MGAT4C: variants seen among roughly 807,000 people sequenced by gnomAD.
The protein encoded by MGAT4C is alpha-1,3-mannosyl-glycoprotein 4-beta-N-acetylglucosaminyltransferase C.
MGAT4C carries 19 observed loss-of-function variants against 40.1 expected under a neutral mutation model. The ratio of observed to expected loss-of-function variants is 0.47; its 90% CI spans 0.33 to 0.70. The LOEUF (loss-of-function observed/expected upper bound fraction) is 0.70, where lower values mean the gene tolerates loss of function less well. Among genes scored for constraint, MGAT4C ranks in the 30% least tolerant of loss-of-function variants. The pLI, the probability that MGAT4C is intolerant of heterozygous loss-of-function variation, is 0.02. For synonymous variants in MGAT4C, 181 were observed against 187.1 expected (o/e 0.97, Z 0.27); for missense variants, 491 against 563.2 (o/e 0.87, Z 1.30).
chr12:86,715,943 T>C (rs1189064804), intron 2 of MGAT4C, among the ~76,000 whole-genome samples: 1 of 152,158 alleles, frequency 6.6e-6, no homozygotes, highest in African/African-American at 2.4e-5. Flanking sequence ...ATTGTGCTAC[T>C]GAAAAGGAAA....
At chr12:86,256,411 C>G (rs1180411515), upstream of MGAT4C, 2 of 152,268 alleles carry the variant, frequency 1.3e-5, no homozygotes, top group South Asian at 4.1e-4. Context: ...CTCAGCTGTT[C>G]TATGTACTCT....
intron 2 of MGAT4C, among the ~76,000 whole-genome samples, chr12:86,037,479 G>T (rs537413339): frequency 6.7e-6 from 1 of 150,116 alleles, no homozygotes; most frequent in South Asian, 2.1e-4. Flanking sequence ...CAGAGATTCT[G>T]GTATGTTGTG....
At chr12:86,351,755 A>G (rs909955924) in intron 3 of MGAT4C, among the ~76,000 whole-genome samples, 1 of 152,030 alleles carries the variant, frequency 6.6e-6, no homozygotes. Context: ...ATTGCATACC[A>G]TCTTAATCAG....
Position 85,980,255 on chromosome 12 carries a change from T to C in MGAT4C, c.471A>G (p.Thr157=), listed in dbSNP as rs780805071. ...SWRDAMVQDI[T]QKFAHHIIAG... is the part of the protein sequence containing the mutation. ...CAATAATATGGTGCGCAAATTTCTG[T>C]GTAATATCCTGGACCATGGCATCAC... Residue 157 remains threonine (T), a synonymous_variant, in exon 5 of 5, where the codon ACA becomes ACG. Transcript: ENST00000611864. The C allele has an allele frequency of 2.6e-5, 42 of 1,613,976 alleles. No homozygotes were observed. The highest frequency in any genetic ancestry group is 3.4e-5 in the Non-Finnish European group (40 of 1,179,908).
intron 3 of MGAT4C, among the ~76,000 whole-genome samples, chr12:86,404,842 C>G (rs1956433204): frequency 6.6e-6 from 1 of 152,048 alleles, no homozygotes; most frequent in African/African-American, 2.4e-5. Flanking sequence ...TAGATACTTT[C>G]TCTTAGTATC....
chr12:86,547,417 T>A (rs988529997), intron 2 of MGAT4C, among the ~76,000 whole-genome samples: 1 of 152,052 alleles, frequency 6.6e-6, no homozygotes, highest in Non-Finnish European at 1.5e-5. Context: ...TTTTAGCACA[T>A]CTAAATGTTT....
chr12:86,101,665 C>A (rs551404166), intron 1 of MGAT4C, among the ~76,000 whole-genome samples: 1 of 151,786 alleles, frequency 6.6e-6, no homozygotes, highest in African/African-American at 2.4e-5. Context: ...ATGTAGGTAA[C>A]CAAAATGGTA....
chr12:86,269,022 AT>A (rs1952871020), intron 4 of MGAT4C, among the ~76,000 whole-genome samples: 1 of 24,554 alleles, frequency 4.1e-5, no homozygotes, highest in Admixed American at 3.9e-4. Context: ...ACATATATAT[AT>A]ATATATATAT....
At chr12:86,802,326 C>T (rs559259892) in intron 1 of MGAT4C, among the ~76,000 whole-genome samples, 32 of 152,028 alleles carry the variant, frequency 2.1e-4, no homozygotes, top group African/African-American at 7.5e-4. Flanking sequence ...GTGTTAGATA[C>T]TCAAAGTCCA....
intron 1 of MGAT4C, among the ~76,000 whole-genome samples, chr12:86,753,925 C>T (rs1356228735): frequency 5.3e-5 from 8 of 151,966 alleles, no homozygotes; most frequent in South Asian, 2.1e-4. Flanking sequence ...GTAAAAATCA[C>T]ACAACTTTGG....
At chr12:86,354,303 G>A (rs1955254358) in intron 3 of MGAT4C, among the ~76,000 whole-genome samples, 1 of 152,080 alleles carries the variant, frequency 6.6e-6, no homozygotes, top group Non-Finnish European at 1.5e-5. Flanking sequence ...AGGACCCATA[G>A]TATTATACAG....
chr12:86,838,745 G>T (rs550194101), exon 1 of MGAT4C: 2 of 152,254 alleles, frequency 1.3e-5, no homozygotes, highest in East Asian at 3.9e-4. Flanking sequence ...GCAAAGCCAT[G>T]ACTTGATGGA....
chr12:86,087,311 AT>A, intron 1 of MGAT4C, among the ~76,000 whole-genome samples: 1 of 151,732 alleles, frequency 6.6e-6, no homozygotes, highest in Admixed American at 6.6e-5. Flanking sequence ...GTATCTTTTA[AT>A]TTTTTTCTCA....
rs539989288 is a variant in MGAT4C, at chr12:86,153,062, T to G, written c.-57+103177A>C. Among the ~76,000 whole-genome samples the G allele has an allele frequency of 2.6e-4, 39 of 152,312 alleles. 1 individual carries two copies. The highest frequency in any genetic ancestry group is 1.0e-3 in the South Asian group (5 of 4,826). On this transcript the variant is annotated intron_variant, in intron 1 of 4. Coordinates refer to ENST00000611864, the MANE Select transcript of MGAT4C (RefSeq NM_001351288.2). ...ACAGATCCCAATCTGCACCACTGAT[T>G]ATGAAACAAATATTCTTTGTTCCTG...
chr12:86,356,246 G>A (rs959701991), intron 3 of MGAT4C, among the ~76,000 whole-genome samples: 2 of 151,872 alleles, frequency 1.3e-5, no homozygotes, highest in African/African-American at 2.4e-5. Context: ...CACTACCAAC[G>A]GCAACAAAAA....
Position 86,776,736 on chromosome 12 carries a change from C to T in MGAT4C, c.-261-49495G>A, listed in dbSNP as rs578125756. Among the ~76,000 whole-genome samples, 7 of 151,906 alleles carry T rather than the reference C, an allele frequency of 4.6e-5. No individual in the cohort carries two copies. The South Asian group carries it at 1.5e-3, about 32-fold the overall frequency. Reference sequence around the variant, plus strand: ...CAAAATTATTGTGAGTAATAATTGGCTAAAATGTATGAAACGATCTAGTAT... The same window carrying T: ...CAAAATTATTGTGAGTAATAATTGGTTAAAATGTATGAAACGATCTAGTAT... On this transcript the variant is annotated intron_variant, in intron 1 of 7. Coordinates refer to the MGAT4C transcript ENST00000548651.
chr12:86,630,414 T>G, intron 2 of MGAT4C, among the ~76,000 whole-genome samples: 1 of 152,104 alleles, frequency 6.6e-6, no homozygotes, highest in East Asian at 1.9e-4. Context: ...GAGGCCAGTA[T>G]CACTGTGATA....
At chr12:86,098,574 C>T (rs995340466) in intron 1 of MGAT4C, among the ~76,000 whole-genome samples, 2 of 151,526 alleles carry the variant, frequency 1.3e-5, no homozygotes, top group Non-Finnish European at 3.0e-5. Flanking sequence ...ATGCTTTTTG[C>T]AATCCTGCTA....
chr12:86,011,460 T>C (rs113393514), intron 2 of MGAT4C, among the ~76,000 whole-genome samples: 1 of 152,306 alleles, frequency 6.6e-6, no homozygotes, highest in African/African-American at 2.4e-5. Flanking sequence ...AAAGCACATA[T>C]GATAGGTAGA....
Sources: allele counts gnomAD v4.1 joint callset (sites outside exome capture counted in the v4.1 genomes callset), GRCh38; gene constraint gnomAD v4.1.1; transcripts MANE v1.5; gene names NCBI Gene and HGNC (gene_info 2026-07-23, HGNC 2026-07-21).